The following ANKIB1 variants were observed in gnomAD, a reference collection of about 807,000 sequenced individuals.
ANKIB1 encodes the protein ankyrin repeat and IBR domain containing 1.
ANKIB1 carries 43 observed loss-of-function variants against 122.1 expected under a neutral mutation model. That is an observed-to-expected ratio of 0.35 (90% CI 0.28 to 0.45). The LOEUF is 0.45. Ranked by LOEUF, ANKIB1 falls within the 20% of genes least tolerant of loss-of-function variation. The pLI is 1.00. For missense variants in ANKIB1, 992 were observed against 1,329.5 expected (o/e 0.75, Z 3.95); for synonymous variants, 390 against 442.0 (o/e 0.88, Z 1.48).
chr7:92,290,892 G>T lies in ANKIB1; in HGVS notation c.-90-3997G>T, dbSNP rs539918598. Among the ~76,000 whole-genome samples, 8 of 152,266 alleles carry T rather than the reference G, an allele frequency of 5.3e-5. No individual in the cohort carries two copies. The East Asian group carries it at 1.5e-3, about 29-fold the overall frequency. On this transcript the variant is annotated intron_variant, in intron 1 of 19. Coordinates refer to ENST00000265742, the MANE Select transcript of ANKIB1 (RefSeq NM_019004.2). ...TGGGAAGGGTTGTTGTGGGTTGAAG[G>T]GGAACTGGGGATGGTTGATGGGTAG...
intron 2 of ANKIB1, among the ~76,000 whole-genome samples, chr7:92,302,224 G>A (rs997355203): frequency 6.6e-6 from 1 of 152,126 alleles, no homozygotes; most frequent in Non-Finnish European, 1.5e-5. Context: ...GTGAGACACT[G>A]CATCCGGCCT....
chr7:92,286,775 T>A (rs1220828949), intron 1 of ANKIB1, among the ~76,000 whole-genome samples: 1 of 152,024 alleles, frequency 6.6e-6, no homozygotes, highest in African/African-American at 2.4e-5. Flanking sequence ...CACGCCTGGC[T>A]TATTATCCTT....
intron 1 of ANKIB1, among the ~76,000 whole-genome samples, chr7:92,251,006 T>C (rs993700634): frequency 6.6e-6 from 1 of 152,246 alleles, no homozygotes; most frequent in Non-Finnish European, 1.5e-5. Flanking sequence ...CTTGAGTTGC[T>C]AAGAAAGTTA....
chr7:92,359,768 G>T (rs1312999113), intron 9 of ANKIB1, among the ~76,000 whole-genome samples: 4 of 152,144 alleles, frequency 2.6e-5, no homozygotes, highest in African/African-American at 9.7e-5. Context: ...TTTTTAAAGA[G>T]ATTAGGTCAT....
chr7:92,272,893 A>T (rs1434354766), intron 1 of ANKIB1, among the ~76,000 whole-genome samples: 2 of 152,324 alleles, frequency 1.3e-5, no homozygotes, highest in Non-Finnish European at 2.9e-5. Context: ...CCTAGGCTAT[A>T]AACCTGTACA....
intron 10 of ANKIB1, among the ~76,000 whole-genome samples, chr7:92,365,592 G>A (rs1804054798): frequency 6.6e-6 from 1 of 152,028 alleles, no homozygotes; most frequent in Admixed American, 6.6e-5. Flanking sequence ...GGAGAGTGAT[G>A]AATGAAGATG....
At chr7:92,318,889 T>G (rs1351090700) in intron 3 of ANKIB1, among the ~76,000 whole-genome samples, 1 of 152,196 alleles carries the variant, frequency 6.6e-6, no homozygotes, top group African/African-American at 2.4e-5. Flanking sequence ...TGAATGAAAC[T>G]TTTGTCTGCC....
chr7:92,286,510 G>A (rs988289677), intron 1 of ANKIB1, among the ~76,000 whole-genome samples: 1 of 145,164 alleles, frequency 6.9e-6, no homozygotes, highest in Admixed American at 7.0e-5. Context: ...ACGGAGTTTC[G>A]CTTTTGTTGC....
chr7:92,357,833 T>C (rs1803854664), intron 9 of ANKIB1, among the ~76,000 whole-genome samples: 1 of 152,170 alleles, frequency 6.6e-6, no homozygotes, highest in African/African-American at 2.4e-5. Flanking sequence ...CTTCCCTACG[T>C]TGATCATCTA....
At chr7:92,358,933 G>A (rs116312145) in intron 9 of ANKIB1, among the ~76,000 whole-genome samples, 102 of 152,206 alleles carry the variant, frequency 6.7e-4, no homozygotes, top group African/African-American at 2.3e-3. Context: ...TGGAAACACT[G>A]TTCCTAGATC....
At chr7:92,364,665 G>A (rs757697333) in intron 10 of ANKIB1, among the ~76,000 whole-genome samples, 1 of 152,148 alleles carries the variant, frequency 6.6e-6, no homozygotes, top group Non-Finnish European at 1.5e-5. Flanking sequence ...GGCTAGAAAG[G>A]TAGGTGTTGC....
chr7:92,282,870 A>G (rs970564016), intron 1 of ANKIB1, among the ~76,000 whole-genome samples: 1 of 152,220 alleles, frequency 6.6e-6, no homozygotes, highest in African/African-American at 2.4e-5. Flanking sequence ...TTTCATGGGA[A>G]ATAAAAAAGT....
intron 1 of ANKIB1, among the ~76,000 whole-genome samples, chr7:92,278,598 C>CTT (rs2131899498): frequency 6.6e-6 from 1 of 152,222 alleles, no homozygotes; most frequent in African/African-American, 2.4e-5. Flanking sequence ...CTTTTTATCC[C>CTT]AAAAGGTTGA....
chr7:92,322,332 T>C (rs1802929657), intron 4 of ANKIB1, among the ~76,000 whole-genome samples: 2 of 152,192 alleles, frequency 1.3e-5, no homozygotes, highest in African/African-American at 2.4e-5. Flanking sequence ...ACTAATATTA[T>C]GTTAAGAAAA....
intron 4 of ANKIB1, 85 bp downstream of exon 4, chr7:92,319,597 A>G: frequency 7.5e-7 from 1 of 1,324,814 alleles, no homozygotes. Flanking sequence ...TTTAAAACTC[A>G]GTTTGTGTGT....
chr7:92,294,215 A>G (rs551146286), intron 1 of ANKIB1, among the ~76,000 whole-genome samples: 1 of 152,344 alleles, frequency 6.6e-6, no homozygotes, highest in East Asian at 1.9e-4. Flanking sequence ...CATAGTATGC[A>G]TAAACATTTG....
At chr7:92,289,509 T>C (rs1319704247) in intron 1 of ANKIB1, among the ~76,000 whole-genome samples, 1 of 152,194 alleles carries the variant, frequency 6.6e-6, no homozygotes, top group African/African-American at 2.4e-5. Flanking sequence ...CTCCTCACCA[T>C]CACATTTCTG....
At chr7:92,271,338 T>A (rs895879972) in intron 1 of ANKIB1, among the ~76,000 whole-genome samples, 1 of 152,232 alleles carries the variant, frequency 6.6e-6, no homozygotes, top group Non-Finnish European at 1.5e-5. Context: ...CCTCTGCCAA[T>A]AGGACCCTGT....
intron 1 of ANKIB1, among the ~76,000 whole-genome samples, chr7:92,279,720 A>C (rs1025990937): frequency 6.6e-6 from 1 of 152,214 alleles, no homozygotes; most frequent in Admixed American, 6.5e-5. Flanking sequence ...TAACATTCCC[A>C]AAAAGCTTGC....
Sources: gnomAD v4.1 joint callset for allele counts (sites outside exome capture counted in the v4.1 genomes callset) on GRCh38, gnomAD v4.1.1 for gene constraint, MANE v1.5 for transcripts, NCBI Gene and HGNC (gene_info 2026-07-23, HGNC 2026-07-21) for gene names.